CD55: variants seen among roughly 807,000 people sequenced by gnomAD.
CD55 encodes CD55 molecule (Cromer blood group).
A neutral mutation model predicts 45.8 loss-of-function variants in CD55; 41 were observed. The observed-to-expected ratio is 0.90, with a 90% CI of 0.70 to 1.16. The LOEUF (loss-of-function observed/expected upper bound fraction) is 1.16. CD55 is among the 50% of genes most tolerant of loss of function. CD55 has a pLI of 0.00. For missense variants in CD55, 416 were observed against 469.8 expected, an observed-to-expected ratio of 0.89 and a Z score of 1.06; for synonymous variants, 181 against 181.1, an observed-to-expected ratio of 1.00 and a Z score of 0.01.
chr1:207,336,942 C>T, intron 7 of CD55, 124 bp downstream of exon 7: 1 of 1,101,126 alleles, frequency 9.1e-7, no homozygotes, highest in Non-Finnish European at 1.4e-6. Flanking sequence ...ACACCAACAC[C>T]TTAGAAACCC....
At chr1:207,333,033 A>G (rs1475977285) in intron 6 of CD55, among the ~76,000 whole-genome samples, 3 of 152,190 alleles carry the variant, frequency 2.0e-5, no homozygotes, top group Non-Finnish European at 4.4e-5. Context: ...TGAGGCCCTC[A>G]AATGCAGAAC....
chr1:207,354,031 T>C (rs1188393012), intron 9 of CD55: 3 of 1,535,448 alleles, frequency 2.0e-6, no homozygotes, highest in African/African-American at 2.7e-5. Context: ...CCTTTTGAAG[T>C]GTCTGGGTCA....
At chr1:207,329,101 A>G (rs2102390998) in intron 5 of CD55, among the ~76,000 whole-genome samples, 1 of 152,344 alleles carries the variant, frequency 6.6e-6, no homozygotes, top group African/African-American at 2.4e-5. Context: ...AACATGGACC[A>G]GTGGGAGGGA....
At chr1:207,330,648 G>T (rs1446566240) in intron 5 of CD55, among the ~76,000 whole-genome samples, 1 of 152,062 alleles carries the variant, frequency 6.6e-6, no homozygotes, top group Non-Finnish European at 1.5e-5. Flanking sequence ...ATTTGCTAGC[G>T]TTTCCCTCTT....
chr1:207,356,981 A>G (rs1558160460), intron 9 of CD55, among the ~76,000 whole-genome samples: 2 of 152,200 alleles, frequency 1.3e-5, no homozygotes. Context: ...TTTCCCATTA[A>G]TAAGAAAACT....
Position 207,321,706 on chromosome 1 carries a change from G to A in CD55, c.-60G>A. On this transcript the variant is annotated 5_prime_UTR_variant, in exon 1 of 10. Coordinates refer to ENST00000367064, the MANE Select transcript of CD55 (RefSeq NM_000574.5). ...CTTACTGCAACTCGCTCCGGCCGCTGGGCGTAGCTGCGACTCGGCGGAGTC... is the reference window on the plus strand; with the variant it reads ...CTTACTGCAACTCGCTCCGGCCGCTAGGCGTAGCTGCGACTCGGCGGAGTC... The A allele has an allele frequency of 7.8e-7, 1 of 1,280,280 alleles. No individual in the cohort carries two copies. The highest frequency in any genetic ancestry group is 1.0e-6 in the Non-Finnish European group (1 of 953,234). 79.3% of individuals were successfully genotyped at this position (1,280,280 alleles called of 1,614,324 possible).
Position 207,324,729 on chromosome 1 carries a change from A to G in CD55, c.457A>G (p.Thr153Ala), listed in dbSNP as rs1654593994. The change falls in exon 3 of 10, where the codon ACA becomes GCA. Residue 153 changes from threonine (T) to alanine (A), a missense_variant. Thr to Ala is a moderately conservative substitution (Grantham distance 58). Transcript: ENST00000367064. ...TTGCCTTCAGAATTTAAAATGGTCC[A>G]CAGCAGTCGAATTTTGTAAAAGTGA... ...LTCLQNLKWS[T>A]AVEFCKKKSC... The G allele has an allele frequency of 1.2e-6, 2 of 1,601,244 alleles. No homozygotes were observed. The highest frequency in any genetic ancestry group is 1.3e-5 in the African/African-American group (1 of 74,154).
intron 4 of CD55, among the ~76,000 whole-genome samples, chr1:207,325,928 T>G (rs571289812): frequency 1.3e-5 from 2 of 152,328 alleles, no homozygotes; most frequent in East Asian, 3.9e-4. Context: ...ACCACCAGAA[T>G]TCTCTAAATT....
chr1:207,337,313 TCTG>T lies in CD55; in HGVS notation c.980-13_980-11del, dbSNP rs771621558. The T allele has an allele frequency of 6.5e-7, 1 of 1,532,428 alleles. No individual in the cohort carries two copies. Among genetic ancestry groups the T allele is most frequent in the Non-Finnish European group, 9.0e-7 (1 of 1,105,902 alleles). The allele number at this position is 1,532,428 out of a possible 1,614,324, so 94.9% of individuals were successfully genotyped here. On this transcript the variant is annotated splice_polypyrimidine_tract_variant and intron_variant, in intron 7 of 9. Coordinates refer to ENST00000367064, the MANE Select transcript of CD55 (RefSeq NM_000574.5). Reference sequence around the variant, plus strand: ...TCTCAAGAGTACACAAAGATTCCCTTCTGCTCATATTACAGCAACACGGAGTAC... The same window carrying T: ...TCTCAAGAGTACACAAAGATTCCCTTCTCATATTACAGCAACACGGAGTAC...
rs372689910 is a variant in CD55 at position 207,336,013 on chromosome 1, CA to C, written c.854-679del. Among the ~76,000 whole-genome samples, 48 of 152,238 alleles carry C rather than the reference CA, an allele frequency of 3.2e-4. No homozygotes were observed. The East Asian group carries it at 8.5e-3, about 27-fold the overall frequency. The stretch of plus-strand genomic sequence containing the variant: ...TCGGCACTACCCAATACTGCCTCAA[CA>C]GGGGACTTTGTATAAGTGACCCAAT... On this transcript the variant is annotated intron_variant, in intron 6 of 9. Coordinates refer to ENST00000367064, the MANE Select transcript of CD55 (RefSeq NM_000574.5).
chr1:207,324,570 G>A lies in CD55; in HGVS notation c.298G>A (p.Val100Met), dbSNP rs376448628. Residue 100 changes from valine (V) to methionine (M), a missense_variant, in exon 3 of 10, where the codon GTG (valine) becomes ATG (methionine). Around this residue, in one of 3 missense-constraint regions of CD55, gnomAD observed 111 missense variants for 163.4 expected, o/e 0.68. Transcript: ENST00000367064. ...GTTAATACTTTTAGGTAGCTGCGAG[G>A]TGCCAACAAGGCTAAATTCTGCATC... Reference protein sequence around the residue: ...IEEFCNRSCEVPTRLNSASLK... With the variant: ...IEEFCNRSCEMPTRLNSASLK... 2 of 1,558,270 alleles carry A rather than the reference G, an allele frequency of 1.3e-6. No individual in the cohort carries two copies. Among genetic ancestry groups the A allele is most frequent in the Non-Finnish European group, 1.7e-6 (2 of 1,152,624 alleles).
chr1:207,330,040 T>TCC (rs28371609), intron 5 of CD55, among the ~76,000 whole-genome samples: 1 of 151,938 alleles, frequency 6.6e-6, no homozygotes, highest in Non-Finnish European at 1.5e-5. Context: ...GAATCTTTTT[T>TCC]CCCACTAGCT....
At position 207,359,721 on chromosome 1, in the gene CD55, T is replaced by A; in HGVS notation, c.*111T>A. Reference sequence around the variant, plus strand: ...ATGCAATTGTGCTCTTCATTTAGGATGCTTTCATTGTCTTTAAGATGTGTT... The same window carrying A: ...ATGCAATTGTGCTCTTCATTTAGGAAGCTTTCATTGTCTTTAAGATGTGTT... On this transcript the variant is annotated 3_prime_UTR_variant, in exon 10 of 10. Coordinates refer to ENST00000367064, the MANE Select transcript of CD55 (RefSeq NM_000574.5). The A allele has an allele frequency of 1.4e-6, 2 of 1,388,450 alleles. 1 individual carries two copies. The highest frequency in any genetic ancestry group is 3.0e-5 in the African/African-American group (2 of 65,800). 86.0% of individuals were successfully genotyped at this position (1,388,450 alleles called of 1,614,324 possible).
intron 5 of CD55, among the ~76,000 whole-genome samples, chr1:207,329,962 C>T (rs1221120695): frequency 6.6e-6 from 1 of 152,120 alleles, no homozygotes; most frequent in Non-Finnish European, 1.5e-5. Context: ...AGTTCCCTAG[C>T]CCATCAGAAA....
chr1:207,355,324 T>C (rs1656035714), intron 9 of CD55, among the ~76,000 whole-genome samples: 1 of 4,578 alleles, frequency 2.2e-4, no homozygotes, highest in Non-Finnish European at 3.9e-4. Context: ...TGGGCAGGGT[T>C]GGTGGGGGTG....
chr1:207,331,507 T>G (rs1035709343), intron 6 of CD55, among the ~76,000 whole-genome samples: 1 of 152,168 alleles, frequency 6.6e-6, no homozygotes, highest in Non-Finnish European at 1.5e-5. Flanking sequence ...ACACATATTA[T>G]GATGTGTATA....
At chr1:207,343,978 T>G (rs1655530730) in intron 9 of CD55, among the ~76,000 whole-genome samples, 1 of 152,244 alleles carries the variant, frequency 6.6e-6, no homozygotes, top group South Asian at 2.1e-4. Context: ...TAAGTACAGC[T>G]ACTCCTGTTT....
chr1:207,337,453 G>T (rs772777734), intron 8 of CD55, 44 bp downstream of exon 8: 1 of 1,028,192 alleles, frequency 9.7e-7, no homozygotes, highest in Non-Finnish European at 1.5e-6. Context: ...GATCTAATGT[G>T]CTATGGTGGA....
At chr1:207,336,593 G>C in intron 6 of CD55, 100 bp from the exon 7 acceptor site, 9 of 1,356,280 alleles carry the variant, frequency 6.6e-6, no homozygotes, top group Non-Finnish European at 9.2e-6. Context: ...AGGTGTTTGT[G>C]GGGAGAGAGA....
Sources: allele counts gnomAD v4.1 joint callset (sites outside exome capture counted in the v4.1 genomes callset), GRCh38; gene constraint gnomAD v4.1.1; regional missense constraint gnomAD v4.1.1; transcripts MANE v1.5; gene names NCBI Gene and HGNC (gene_info 2026-07-23, HGNC 2026-07-21).